NIBAN1: variants seen among roughly 807,000 people sequenced by gnomAD.
NIBAN1 encodes the protein protein Niban 1.
NIBAN1 carries 81 observed loss-of-function variants against 75.1 expected under a neutral mutation model. The ratio of observed to expected loss-of-function variants is 1.08; its 90% CI spans 0.90 to 1.30. The LOEUF (loss-of-function observed/expected upper bound fraction) is 1.30. Ranked by LOEUF, NIBAN1 falls within the 50% of genes most tolerant of loss-of-function variation. The pLI is 0.00. For synonymous variants in NIBAN1, 436 were observed against 424.8 expected (o/e 1.03, Z -0.32); for missense variants, 1,133 against 1,128.1 (o/e 1.00, Z -0.06).
Position 184,852,007 on chromosome 1 carries a change from A to G in NIBAN1, c.602-20045T>C, listed in dbSNP as rs1489489346. ...CCACAGTCCCACCACGCGGGGTCCA[A>G]TCCAAGGTGTTTGTAAAGAACTTCG... On this transcript the variant is annotated intron_variant, in intron 5 of 13. Coordinates refer to ENST00000367511, the MANE Select transcript of NIBAN1 (RefSeq NM_052966.4). Among the ~76,000 whole-genome samples the G allele has an allele frequency of 5.9e-5, 9 of 152,210 alleles. No individual in the cohort carries two copies. In the East Asian group the frequency reaches 1.7e-3, roughly 29 times the overall value.
chr1:184,819,264 C>G lies in NIBAN1; in HGVS notation c.986-439G>C, dbSNP rs190317003. Reference sequence around the variant, plus strand: ...TATAATTCCATCCTCCTCTCCCCACCAAAATACTTTTTAAGAACTCCAGTA... The same window carrying G: ...TATAATTCCATCCTCCTCTCCCCACGAAAATACTTTTTAAGAACTCCAGTA... On this transcript the variant is annotated intron_variant, in intron 8 of 13. Transcript: ENST00000367511. 1.5e-3 allele frequency among the ~76,000 whole-genome samples: 235 copies of G among 152,192 alleles called. 1 individual carries two copies. The highest frequency in any genetic ancestry group is 0.014 in the South Asian group (67 of 4,810).
rs537335051 is a variant in NIBAN1, at chr1:184,795,494, G to T, written c.2270C>A (p.Ala757Asp). The T allele has an allele frequency of 1.2e-6, 2 of 1,613,384 alleles. No homozygotes were observed. The highest frequency in any genetic ancestry group is 1.7e-6 in the Non-Finnish European group (2 of 1,179,784). The change falls in exon 14 of 14, where the codon GCC becomes GAC. Residue 757 changes from alanine to aspartate, a missense_variant. Transcript: ENST00000367511. ...TTCTTCACAGTTGTCGGGGTGGATG[G>T]CAGCTGCCTGACTGGGCTCTTTTTC... is the stretch of plus-strand genomic sequence containing the variant. ...EEEKEPSQAAAIHPDNCEESE... is the reference protein window; with the variant it reads ...EEEKEPSQAADIHPDNCEESE...
At position 184,795,456 on chromosome 1, in the gene NIBAN1, C is replaced by G; in HGVS notation, c.2308G>C (p.Glu770Gln). Reference sequence around the variant, plus strand: ...GGACAGGGAGGTTGGGCCTCCCTCTCGCTGACTTCACTTTCTTCACAGTTG... The same window carrying G: ...GGACAGGGAGGTTGGGCCTCCCTCTGGCTGACTTCACTTTCTTCACAGTTG... ...PDNCEESEVS[E>Q]REAQPPCPEA... Residue 770 changes from glutamate (E) to glutamine (Q), a missense_variant, in exon 14 of 14, where the codon GAG becomes CAG. Transcript: ENST00000367511. The G allele has an allele frequency of 6.2e-7, 1 of 1,609,228 alleles. No homozygotes were observed.
At chr1:184,820,859 A>G (rs1392979689) in intron 8 of NIBAN1, among the ~76,000 whole-genome samples, 1 of 152,236 alleles carries the variant, frequency 6.6e-6, no homozygotes, top group Non-Finnish European at 1.5e-5. Context: ...TGAGTTTACT[A>G]TATTACAAGT....
chr1:184,932,663 G>C (rs887761632), intron 1 of NIBAN1, among the ~76,000 whole-genome samples: 1 of 152,174 alleles, frequency 6.6e-6, no homozygotes, highest in Admixed American at 6.5e-5. Context: ...AGAACACATG[G>C]AAAGTCATAG....
intron 8 of NIBAN1, 53 bp downstream of exon 8, chr1:184,823,114 C>G: frequency 6.4e-7 from 1 of 1,573,236 alleles, no homozygotes; most frequent in Non-Finnish European, 8.7e-7. Context: ...TGTGGTGGAT[C>G]CCTGCATGTA....
chr1:184,872,622 G>A (rs1257993870), intron 5 of NIBAN1, among the ~76,000 whole-genome samples: 4 of 151,958 alleles, frequency 2.6e-5, no homozygotes, highest in African/African-American at 7.3e-5. Context: ...CAGGAGAATC[G>A]CTTGAACCCA....
chr1:184,962,963 TA>T, intron 1 of NIBAN1, among the ~76,000 whole-genome samples: 1 of 152,080 alleles, frequency 6.6e-6, no homozygotes, highest in Non-Finnish European at 1.5e-5. Context: ...TCCCAGCTAA[TA>T]AATGAAAACA....
intron 5 of NIBAN1, among the ~76,000 whole-genome samples, chr1:184,867,449 A>C (rs1296878759): frequency 6.6e-6 from 1 of 152,192 alleles, no homozygotes; most frequent in Non-Finnish European, 1.5e-5. Context: ...TTTTGTTCTC[A>C]ACTTGAAAAT....
rs1366918508 is a variant in NIBAN1, at chr1:184,793,147, T to C, written c.*1830A>G. ...GGGAGGGCTGAAAAGGGTGATATTT[T>C]AATTTCTGGTTAAATGGTTGAACTG... On this transcript the variant is annotated 3_prime_UTR_variant, in exon 14 of 14. Transcript: ENST00000367511. 1 of 152,246 alleles carries C rather than the reference T, an allele frequency of 6.6e-6. No individual in the cohort carries two copies. Among genetic ancestry groups the C allele is most frequent in the Non-Finnish European group, 1.5e-5 (1 of 68,042 alleles). 9.4% of individuals were successfully genotyped at this position (152,246 alleles called of 1,614,324 possible).
chr1:184,973,319 G>T (rs1384310686), intron 1 of NIBAN1, among the ~76,000 whole-genome samples: 1 of 152,048 alleles, frequency 6.6e-6, no homozygotes, highest in East Asian at 1.9e-4. Flanking sequence ...AACAAATGTG[G>T]AATAAGAACA....
intron 9 of NIBAN1, 63 bp from the exon 10 acceptor site, chr1:184,808,298 T>C: frequency 1.3e-6 from 2 of 1,499,180 alleles, no homozygotes; most frequent in Non-Finnish European, 1.8e-6. Context: ...TGCATATATA[T>C]TGCATATTAC....
chr1:184,924,538 G>T (rs1175019812), intron 1 of NIBAN1, among the ~76,000 whole-genome samples: 1 of 152,050 alleles, frequency 6.6e-6, no homozygotes, highest in Non-Finnish European at 1.5e-5. Context: ...TTGGTGTCAG[G>T]TAATACTGGC....
intron 1 of NIBAN1, among the ~76,000 whole-genome samples, chr1:184,965,066 G>A (rs941617861): frequency 1.3e-5 from 2 of 152,260 alleles, no homozygotes; most frequent in East Asian, 1.9e-4. Context: ...TTGGGATGCC[G>A]AGGCGGGCGG....
chr1:184,894,347 T>TC (rs1656746276), intron 2 of NIBAN1, 141 bp from the exon 3 acceptor site: 6 of 838,138 alleles, frequency 7.2e-6, no homozygotes, highest in Non-Finnish European at 8.7e-6. Context: ...CTTCCTCCTC[T>TC]CCCCCCACAA....
chr1:184,806,005 G>T lies in NIBAN1; in HGVS notation c.1387C>A (p.Gln463Lys). Residue 463 changes from glutamine (Q) to lysine (K), a missense_variant, in exon 11 of 14, where the codon CAA becomes AAA. Coordinates refer to ENST00000367511, the MANE Select transcript of NIBAN1 (RefSeq NM_052966.4). Reference sequence around the variant, plus strand: ...ACTGCAGTTTTGGAGGCCTCTCCTTGGAGATGTGGGGAAAGCAACTGCTCA... The same window carrying T: ...ACTGCAGTTTTGGAGGCCTCTCCTTTGAGATGTGGGGAAAGCAACTGCTCA... ...TFEQLLSPHL[Q>K]GEASKTAVAI... 6.2e-7 allele frequency: 1 copy of T among 1,614,182 alleles called. No individual in the cohort carries two copies.
At chr1:184,831,817 G>A (rs141795066) in intron 6 of NIBAN1, 30 bp downstream of exon 6, 1 of 1,537,478 alleles carries the variant, frequency 6.5e-7, no homozygotes, top group Admixed American at 1.7e-5. Context: ...CAAACACAGA[G>A]AGAATCCAAA....
At chr1:184,925,436 C>G (rs1044771715) in intron 1 of NIBAN1, among the ~76,000 whole-genome samples, 1 of 152,070 alleles carries the variant, frequency 6.6e-6, no homozygotes, top group Non-Finnish European at 1.5e-5. Flanking sequence ...TAAGGGCTTA[C>G]TCCTGCTATT....
intron 1 of NIBAN1, among the ~76,000 whole-genome samples, chr1:184,931,413 C>T (rs1011171870): frequency 1.1e-4 from 16 of 152,194 alleles, no homozygotes; most frequent in Admixed American, 4.6e-4. Flanking sequence ...TGGTCATACA[C>T]ATTAATATTA....
Sources: allele counts gnomAD v4.1 joint callset (sites outside exome capture counted in the v4.1 genomes callset), GRCh38; gene constraint gnomAD v4.1.1; transcripts MANE v1.5; gene names NCBI Gene and HGNC (gene_info 2026-07-23, HGNC 2026-07-21).